PARD3B: variants seen among roughly 807,000 people sequenced by gnomAD.
PARD3B encodes par-3 family cell polarity regulator beta, also known as partitioning defective 3 homolog B.
Under a neutral mutation model 130.2 loss-of-function variants are expected in PARD3B, and 103 were observed. The ratio of observed to expected loss-of-function variants is 0.79; its 90% CI spans 0.67 to 0.93. PARD3B has a LOEUF of 0.93. Among genes scored for constraint, PARD3B ranks in the 40% least tolerant of loss-of-function variants. The pLI, the probability that PARD3B is intolerant of heterozygous loss-of-function variation, is 0.00. For missense variants in PARD3B, 1,609 were observed against 1,499.2 expected (o/e 1.07, Z -1.21); for synonymous variants, 583 against 553.2 (o/e 1.05, Z -0.76).
intron 2 of PARD3B, among the ~76,000 whole-genome samples, chr2:204,817,208 A>G (rs930758157): frequency 3.2e-4 from 48 of 149,522 alleles, no homozygotes; most frequent in African/African-American, 1.1e-3. Context: ...TGATTCCTTT[A>G]TCTCTTTATT....
intron 4 of PARD3B, among the ~76,000 whole-genome samples, chr2:205,089,997 G>GGTGA (rs1258615885): frequency 6.6e-6 from 1 of 152,180 alleles, no homozygotes; most frequent in East Asian, 1.9e-4. Context: ...CAAGTGAAGA[G>GGTGA]GTGATTTGCT....
chr2:204,633,787 G>A (rs1403386070), intron 1 of PARD3B, among the ~76,000 whole-genome samples: 1 of 152,106 alleles, frequency 6.6e-6, no homozygotes, highest in Admixed American at 6.6e-5. Flanking sequence ...CCTCCAGCCT[G>A]GGCAACAGAG....
chr2:204,809,724 C>T (rs1183879523), intron 2 of PARD3B, among the ~76,000 whole-genome samples: 1 of 151,938 alleles, frequency 6.6e-6, no homozygotes, highest in Admixed American at 6.6e-5. Context: ...GGCTATTTGG[C>T]CCCTTTTTTA....
intron 2 of PARD3B, among the ~76,000 whole-genome samples, chr2:204,931,191 T>G (rs1269301654): frequency 6.6e-6 from 1 of 152,072 alleles, no homozygotes; most frequent in Non-Finnish European, 1.5e-5. Flanking sequence ...CACTTTGGAG[T>G]CAAATTGCCT....
chr2:204,927,075 T>C (rs1021837030), intron 2 of PARD3B, among the ~76,000 whole-genome samples: 5 of 152,236 alleles, frequency 3.3e-5, no homozygotes, highest in African/African-American at 1.2e-4. Context: ...GAGTTTTTAA[T>C]TAGTATTTTA....
chr2:204,947,433 G>T (rs1689415502), intron 2 of PARD3B, among the ~76,000 whole-genome samples: 1 of 152,136 alleles, frequency 6.6e-6, no homozygotes, highest in African/African-American at 2.4e-5. Flanking sequence ...TAGGAGCTAA[G>T]AAAGTTAGTA....
chr2:205,206,210 T>C (rs1446272770), intron 15 of PARD3B, among the ~76,000 whole-genome samples: 1 of 140,968 alleles, frequency 7.1e-6, no homozygotes, highest in Non-Finnish European at 1.6e-5. Context: ...GTTCCTTTTT[T>C]TTTTTCTTTT....
chr2:205,298,089 T>A (rs2041860493), intron 16 of PARD3B, among the ~76,000 whole-genome samples: 1 of 152,242 alleles, frequency 6.6e-6, no homozygotes, highest in Non-Finnish European at 1.5e-5. Flanking sequence ...TGGAATTTAT[T>A]GCTAAACGTT....
At chr2:204,605,746 T>C (rs1314830381) in intron 1 of PARD3B, among the ~76,000 whole-genome samples, 1 of 152,174 alleles carries the variant, frequency 6.6e-6, no homozygotes, top group African/African-American at 2.4e-5. Flanking sequence ...TCCACCTCAG[T>C]GGGTGATTAT....
chr2:205,082,808 C>G (rs1297337781), intron 4 of PARD3B, among the ~76,000 whole-genome samples: 1 of 152,042 alleles, frequency 6.6e-6, no homozygotes. Context: ...AAATTTGAAG[C>G]CTTTGCTTTA....
chr2:205,532,486 G>T (rs1324593826), intron 21 of PARD3B, among the ~76,000 whole-genome samples: 3 of 152,070 alleles, frequency 2.0e-5, no homozygotes, highest in South Asian at 2.1e-4. Flanking sequence ...GGCAGTGCTT[G>T]GGGGGGAAAT....
intron 2 of PARD3B, among the ~76,000 whole-genome samples, chr2:204,950,986 G>T (rs181408521): frequency 1.5e-3 from 233 of 152,294 alleles, no homozygotes; most frequent in African/African-American, 5.3e-3. Flanking sequence ...GGGGACTAGA[G>T]ATTTTATATC....
intron 10 of PARD3B, among the ~76,000 whole-genome samples, chr2:205,140,171 CCCTCG>C (rs2032830870): frequency 2.6e-5 from 4 of 152,146 alleles, no homozygotes; most frequent in Admixed American, 2.6e-4. Flanking sequence ...AGTGAAAGGC[CCCTCG>C]CTGTGTTAAA....
intron 18 of PARD3B, among the ~76,000 whole-genome samples, chr2:205,363,851 T>C (rs2044492655): frequency 1.3e-5 from 1 of 75,972 alleles, no homozygotes; most frequent in African/African-American, 3.3e-5. Context: ...TTTTTTTTTT[T>C]TTTTTTTTTT....
At chr2:204,589,082 G>T (rs571384817) in intron 1 of PARD3B, among the ~76,000 whole-genome samples, 1 of 152,094 alleles carries the variant, frequency 6.6e-6, no homozygotes, top group Admixed American at 6.5e-5. Context: ...GGACACCCAC[G>T]GAAGGTAGAC....
intron 16 of PARD3B, among the ~76,000 whole-genome samples, chr2:205,261,360 A>C (rs2040302548): frequency 6.6e-6 from 1 of 152,184 alleles, no homozygotes; most frequent in African/African-American, 2.4e-5. Context: ...CACATCCTCC[A>C]AGATACCACC....
intron 2 of PARD3B, among the ~76,000 whole-genome samples, chr2:204,716,517 T>G (rs1430402136): frequency 6.6e-6 from 1 of 151,832 alleles, no homozygotes; most frequent in Non-Finnish European, 1.5e-5. Context: ...CACTAAAGGA[T>G]GTACTTGGGG....
At chr2:204,665,426 G>A (rs781543474) in intron 1 of PARD3B, among the ~76,000 whole-genome samples, 13 of 152,088 alleles carry the variant, frequency 8.5e-5, no homozygotes, top group Admixed American at 5.2e-4. Flanking sequence ...ACTCCCAATG[G>A]CAGATTTTCT....
chr2:205,593,762 T>C (rs1198432488), intron 22 of PARD3B, among the ~76,000 whole-genome samples: 2 of 152,180 alleles, frequency 1.3e-5, no homozygotes, highest in East Asian at 1.9e-4. Flanking sequence ...CAGTATGACC[T>C]TGTTGGCTGT....
Sources: gnomAD v4.1 joint callset for allele counts (sites outside exome capture counted in the v4.1 genomes callset) on GRCh38, gnomAD v4.1.1 for gene constraint, MANE v1.5 for transcripts, NCBI Gene and HGNC (gene_info 2026-07-23, HGNC 2026-07-21) for gene names.